Variants in ESCO2 observed in about 807,000 individuals in gnomAD.
ESCO2 encodes the protein N-acetyltransferase ESCO2.
Under a neutral mutation model 61.7 loss-of-function variants are expected in ESCO2, and 51 were observed. The observed-to-expected ratio is 0.83, with a 90% CI of 0.66 to 1.04. The LOEUF (loss-of-function observed/expected upper bound fraction) is 1.04, where lower values mean the gene tolerates loss of function less well. Ranked by LOEUF, ESCO2 falls within the 50% of genes least tolerant of loss-of-function variation. The pLI is 0.00. For missense variants in ESCO2, 692 were observed against 686.2 expected, an observed-to-expected ratio of 1.01 and a Z score of -0.09; for synonymous variants, 230 against 238.2, an observed-to-expected ratio of 0.97 and a Z score of 0.32.
intron 6 of ESCO2, 69 bp from the exon 7 acceptor site, chr8:27,788,778 A>T: frequency 6.3e-7 from 1 of 1,590,378 alleles, no homozygotes; most frequent in Non-Finnish European, 8.6e-7. Flanking sequence ...ATGAATGGTT[A>T]TAGGAACTTA....
chr8:27,815,425 C>A (rs1805790791), downstream of ESCO2, among the ~76,000 whole-genome samples: 1 of 152,084 alleles, frequency 6.6e-6, no homozygotes, highest in Non-Finnish European at 1.5e-5. Context: ...CTGCTTTGGG[C>A]ATTACAGTTT....
intron 3 of ESCO2, 141 bp downstream of exon 3, chr8:27,777,310 T>C (rs1465890129): frequency 2.6e-6 from 2 of 777,388 alleles, no homozygotes; most frequent in African/African-American, 3.5e-5. Flanking sequence ...GGAGTTTATT[T>C]ATTTATTTAT....
Position 27,799,637 on chromosome 8 carries a change from G to T in ESCO2, c.1594G>T (p.Val532Phe). The change falls in exon 10 of 11, where the codon GTC (valine) becomes TTC (phenylalanine). Residue 532 changes from valine (V) to phenylalanine (F), a missense_variant. Transcript: ENST00000305188. Reference protein sequence around the residue: ...WQCSDVPEPAVCGISRIWVFR... With the variant: ...WQCSDVPEPAFCGISRIWVFR... ...ATGTTCAGATGTACCAGAACCTGCA[G>T]TCTGTGGGATAAGTAGAATCTGGGT... The T allele has an allele frequency of 6.2e-7, 1 of 1,613,950 alleles. No homozygotes were observed. The highest frequency in any genetic ancestry group is 8.5e-7 in the Non-Finnish European group (1 of 1,180,004).
Position 27,799,530 on chromosome 8 carries a change from T to C in ESCO2, c.1498-11T>C. The stretch of plus-strand genomic sequence containing the variant: ...GGTGTTAGCTATAGATGCTTCTGTA[T>C]ATCATTGCAGGCATTTCGTGTCCTG... On this transcript the variant is annotated splice_polypyrimidine_tract_variant and intron_variant, in intron 9 of 10. Coordinates refer to ENST00000305188, the MANE Select transcript of ESCO2 (RefSeq NM_001017420.3). The C allele has an allele frequency of 6.2e-7, 1 of 1,613,964 alleles. No individual in the cohort carries two copies. Among genetic ancestry groups the C allele is most frequent in the Non-Finnish European group, 8.5e-7 (1 of 1,179,952 alleles).
rs545242282 is a variant in ESCO2, at chr8:27,805,257, C to A, written c.*1819C>A. ...GATTGCGCCACTGCAGTCCGCAGTC[C>A]GGCCTGGGCGACAGAGCGAGACTCC... is the stretch of plus-strand genomic sequence containing the variant. On this transcript the variant is annotated 3_prime_UTR_variant, in exon 11 of 11. Transcript: ENST00000305188. The A allele has an allele frequency of 4.7e-5, 4 of 84,582 alleles. No individual in the cohort carries two copies. Among genetic ancestry groups the A allele is most frequent in the African/African-American group, 2.3e-4 (4 of 17,338 alleles). The allele number at this position is 84,582 out of a possible 1,614,324, so 5.2% of individuals were successfully genotyped here.
At chr8:27,814,541 T>C (rs986526145), downstream of ESCO2, among the ~76,000 whole-genome samples, 7 of 152,130 alleles carry the variant, frequency 4.6e-5, no homozygotes, top group African/African-American at 1.7e-4. Context: ...CATAGCTTTA[T>C]TCCCTTCCTT....
chr8:27,801,636 A>G (rs1805428197), intron 10 of ESCO2, among the ~76,000 whole-genome samples: 1 of 152,176 alleles, frequency 6.6e-6, no homozygotes, highest in Non-Finnish European at 1.5e-5. Context: ...ATATCTTCTA[A>G]TTGAATCAAA....
chr8:27,813,321 G>C (rs1805734609), downstream of ESCO2, among the ~76,000 whole-genome samples: 1 of 152,088 alleles, frequency 6.6e-6, no homozygotes, highest in African/African-American at 2.4e-5. Flanking sequence ...CCTGTCATGG[G>C]GTAGGGGGGA....
chr8:27,777,627 A>C (rs1298970906), intron 3 of ESCO2: 1 of 153,828 alleles, frequency 6.5e-6, no homozygotes, highest in Non-Finnish European at 1.4e-5. Flanking sequence ...CTCAATAGTT[A>C]CATGTAGCTG....
At chr8:27,801,387 A>C (rs1563481620) in intron 10 of ESCO2, among the ~76,000 whole-genome samples, 3 of 152,174 alleles carry the variant, frequency 2.0e-5, no homozygotes, top group Non-Finnish European at 4.4e-5. Flanking sequence ...CACTTTTAAA[A>C]AATAAATGCC....
chr8:27,804,256 T>C lies in ESCO2; in HGVS notation c.*818T>C. 1.0e-6 allele frequency: 1 copy of C among 984,736 alleles called. No homozygotes were observed. Among genetic ancestry groups the C allele is most frequent in the South Asian group, 4.7e-5 (1 of 21,274 alleles). 61.0% of individuals were successfully genotyped at this position (984,736 alleles called of 1,614,324 possible). A position where few individuals can be genotyped will look rare whatever the true frequency, so the allele number is the denominator to read the frequency against. ...ATTTAATTAAAATTATACTTAGTAA[T>C]TGCACTATTACTTAGTTAATTTTTG... On this transcript the variant is annotated 3_prime_UTR_variant, in exon 11 of 11. Coordinates refer to ENST00000305188, the MANE Select transcript of ESCO2 (RefSeq NM_001017420.3).
intron 5 of ESCO2, among the ~76,000 whole-genome samples, chr8:27,786,392 T>C (rs1041568434): frequency 6.6e-6 from 1 of 152,188 alleles, no homozygotes; most frequent in African/African-American, 2.4e-5. Context: ...CTAACAGGCT[T>C]CAAATGTGCC....
chr8:27,785,360 G>A (rs1402025465), intron 5 of ESCO2, among the ~76,000 whole-genome samples: 1 of 152,204 alleles, frequency 6.6e-6, no homozygotes, highest in Non-Finnish European at 1.5e-5. Flanking sequence ...AACCATAGCA[G>A]AAGCCTACCA....
At chr8:27,814,974 A>C (rs960723387), downstream of ESCO2, among the ~76,000 whole-genome samples, 6 of 152,228 alleles carry the variant, frequency 3.9e-5, no homozygotes, top group African/African-American at 1.4e-4. Context: ...TATTATACTA[A>C]AAAATGAAAA....
Position 27,792,655 on chromosome 8 carries a change from T to C in ESCO2, c.1354-13T>C, listed in dbSNP as rs1184260996. On this transcript the variant is annotated splice_polypyrimidine_tract_variant and intron_variant, in intron 8 of 10. Coordinates refer to ENST00000305188, the MANE Select transcript of ESCO2 (RefSeq NM_001017420.3). Reference sequence around the variant, plus strand: ...TTAAAACATTCACCTGTCTTGGTTTTTAAAATCATTAGGTAGAAGATGTCC... The same window carrying C: ...TTAAAACATTCACCTGTCTTGGTTTCTAAAATCATTAGGTAGAAGATGTCC... 1.9e-6 allele frequency: 3 copies of C among 1,611,402 alleles called. No individual in the cohort carries two copies. The highest frequency in any genetic ancestry group is 8.5e-7 in the Non-Finnish European group (1 of 1,179,328).
At chr8:27,817,084 G>A, downstream of ESCO2, among the ~76,000 whole-genome samples, 1 of 152,160 alleles carries the variant, frequency 6.6e-6, no homozygotes, top group Non-Finnish European at 1.5e-5. Context: ...CATATGCCTG[G>A]TGTAGTAGCT....
At chr8:27,815,761 A>G (rs1258201840), downstream of ESCO2, among the ~76,000 whole-genome samples, 1 of 152,220 alleles carries the variant, frequency 6.6e-6, no homozygotes, top group East Asian at 1.9e-4. Flanking sequence ...GTATGTTTAC[A>G]GTTCTCCAAG....
chr8:27,816,003 G>A (rs1805803430), downstream of ESCO2, among the ~76,000 whole-genome samples: 1 of 152,128 alleles, frequency 6.6e-6, no homozygotes, highest in Non-Finnish European at 1.5e-5. Context: ...AGTTTAAGCA[G>A]ACATGCTTTA....
downstream of ESCO2, chr8:27,810,971 A>G (rs1414578820): frequency 1.9e-6 from 3 of 1,593,622 alleles, no homozygotes; most frequent in Admixed American, 3.3e-5. Context: ...CATCATCATC[A>G]TCATTTGAAA....
Sources: gnomAD v4.1 joint callset for allele counts (sites outside exome capture counted in the v4.1 genomes callset) on GRCh38, gnomAD v4.1.1 for gene constraint, MANE v1.5 for transcripts, NCBI Gene and HGNC (gene_info 2026-07-23, HGNC 2026-07-21) for gene names.